ANKRD55: variants seen among roughly 807,000 people sequenced by gnomAD.
The protein encoded by ANKRD55 is ankyrin repeat domain-containing protein 55.
In ANKRD55, 41 loss-of-function variants were observed where a neutral mutation model predicts 60.6. That is an observed-to-expected ratio of 0.68 (90% CI 0.53 to 0.88). The LOEUF (loss-of-function observed/expected upper bound fraction) is 0.88. Ranked by LOEUF, ANKRD55 falls within the 40% of genes least tolerant of loss-of-function variation. The pLI, the probability that ANKRD55 is intolerant of heterozygous loss-of-function variation, is 0.00. For synonymous variants in ANKRD55, 264 were observed against 290.3 expected, an observed-to-expected ratio of 0.91 and a Z score of 0.92; for missense variants, 732 against 767.6, an observed-to-expected ratio of 0.95 and a Z score of 0.55.
chr5:56,162,152 G>T, intron 5 of ANKRD55: 2 of 421,504 alleles, frequency 4.7e-6, no homozygotes, highest in Non-Finnish European at 6.4e-6. Flanking sequence ...CTCCTGAGCA[G>T]ACAGAGATTA....
At chr5:56,189,250 G>A (rs1010715983) in intron 2 of ANKRD55, among the ~76,000 whole-genome samples, 7 of 149,798 alleles carry the variant, frequency 4.7e-5, no homozygotes, top group African/African-American at 1.7e-4. Flanking sequence ...GGCGGAGCTT[G>A]CAGTGAGCCA....
chr5:56,163,519 T>C (rs775333469), intron 5 of ANKRD55, among the ~76,000 whole-genome samples: 5 of 152,030 alleles, frequency 3.3e-5, no homozygotes, highest in Admixed American at 6.6e-5. Flanking sequence ...GTAAGACCCA[T>C]CTCATCTCAG....
chr5:56,176,238 T>C lies in ANKRD55; in HGVS notation c.226A>G (p.Thr76Ala). The change falls in exon 4 of 12, where the codon ACA (threonine) becomes GCA (alanine). Residue 76 changes from threonine (T) to alanine (A), a missense_variant. By Grantham distance (58) the Thr-to-Ala change is moderately conservative. This residue lies in a region of ANKRD55 where 131 missense variants were observed against 142.7 expected (regional missense o/e 0.92). Transcript: ENST00000341048. ...CCCATCTTCAACAGCAGCTTCACTG[T>C]GTCCGCTTGACGTCCAGAAACCGCA... is the stretch of plus-strand genomic sequence containing the variant. ...MHAVSGRQAD[T>A]VKLLLKMGAN... is the part of the protein sequence containing the mutation. The C allele has an allele frequency of 1.2e-6, 2 of 1,614,244 alleles. No individual in the cohort carries two copies. Among genetic ancestry groups the C allele is most frequent in the East Asian group, 4.5e-5 (2 of 44,890 alleles).
chr5:56,157,571 G>T (rs994180546), intron 6 of ANKRD55, among the ~76,000 whole-genome samples: 10 of 152,192 alleles, frequency 6.6e-5, no homozygotes, highest in African/African-American at 2.4e-4. Flanking sequence ...GGAGAAAACC[G>T]CCTTAGGGCT....
chr5:56,231,649 GCGCGCACACACACACA>G (rs1760255789), intron 2 of ANKRD55, among the ~76,000 whole-genome samples: 1 of 127,766 alleles, frequency 7.8e-6, no homozygotes, highest in African/African-American at 2.9e-5. Context: ...CGTTCTGAAG[GCGCGCACACACACACA>G]CACACACACA....
intron 2 of ANKRD55, among the ~76,000 whole-genome samples, chr5:56,228,952 G>A (rs796074786): frequency 3.9e-5 from 6 of 152,290 alleles, no homozygotes; most frequent in African/African-American, 1.4e-4. Flanking sequence ...ACAGGTGTGT[G>A]CAAACACACC....
intron 6 of ANKRD55, among the ~76,000 whole-genome samples, chr5:56,153,907 C>T (rs1414194609): frequency 2.0e-5 from 3 of 150,814 alleles, no homozygotes; most frequent in Non-Finnish European, 4.4e-5. Flanking sequence ...AAGACAAATG[C>T]TTGAGTTGAA....
intron 2 of ANKRD55, among the ~76,000 whole-genome samples, chr5:56,215,206 T>C (rs577445023): frequency 6.6e-6 from 1 of 152,244 alleles, no homozygotes; most frequent in Admixed American, 6.5e-5. Context: ...AGTAGGTAAA[T>C]AACAACCCAT....
chr5:56,123,133 C>G (rs1757127397), intron 8 of ANKRD55, among the ~76,000 whole-genome samples: 1 of 151,802 alleles, frequency 6.6e-6, no homozygotes, highest in South Asian at 2.1e-4. Context: ...ATGGGCAGTC[C>G]TGGGGCAGGA....
chr5:56,167,813 C>T (rs1035817341), intron 5 of ANKRD55, among the ~76,000 whole-genome samples: 2 of 152,014 alleles, frequency 1.3e-5, no homozygotes, highest in Non-Finnish European at 2.9e-5. Flanking sequence ...CCTCAAGAGT[C>T]GAGGAGTACT....
intron 2 of ANKRD55, among the ~76,000 whole-genome samples, chr5:56,187,986 G>C (rs988587977): frequency 4.6e-5 from 7 of 152,124 alleles, no homozygotes; most frequent in African/African-American, 1.4e-4. Context: ...TGTAGTTTTT[G>C]CACTCAACTT....
chr5:56,172,016 G>A (rs189650090), intron 4 of ANKRD55, among the ~76,000 whole-genome samples: 245 of 152,112 alleles, frequency 1.6e-3, no homozygotes, highest in Middle Eastern at 6.8e-3. Flanking sequence ...CTACTCGGGA[G>A]GCTGAGGCAG....
intron 3 of ANKRD55, among the ~76,000 whole-genome samples, chr5:56,181,884 C>T (rs1452516568): frequency 2.0e-5 from 3 of 152,242 alleles, no homozygotes; most frequent in African/African-American, 7.2e-5. Context: ...CGTGAGCCAC[C>T]GTGTCCGGCC....
At chr5:56,215,262 A>C (rs1759775840) in intron 2 of ANKRD55, among the ~76,000 whole-genome samples, 1 of 152,172 alleles carries the variant, frequency 6.6e-6, no homozygotes, top group East Asian at 1.9e-4. Context: ...CCTTGGCAAT[A>C]TCTAGTTCGC....
rs181293068 is a variant in ANKRD55 at position 56,183,824 on chromosome 5, G to A, written c.59-190C>T. Among the ~76,000 whole-genome samples the A allele has an allele frequency of 3.3e-5, 5 of 152,294 alleles. No homozygotes were observed. In the East Asian group the frequency reaches 9.7e-4, roughly 29 times the overall value. ...GAAAGGTGGATCACTCATGCCATTTGTAACACCGCCGTGTATTGGAAAGGA... is the reference window on the plus strand; with the variant it reads ...GAAAGGTGGATCACTCATGCCATTTATAACACCGCCGTGTATTGGAAAGGA... On this transcript the variant is annotated intron_variant, in intron 2 of 11. Coordinates refer to ENST00000341048, the MANE Select transcript of ANKRD55 (RefSeq NM_024669.3).
chr5:56,226,010 G>A (rs160002), intron 2 of ANKRD55, among the ~76,000 whole-genome samples: 1,530 of 152,072 alleles, frequency 0.01, 17 homozygotes, highest in African/African-American at 0.033. Flanking sequence ...CCAAAAAAGA[G>A]CCCACATTGC....
rs1759300209 is a variant in ANKRD55, at chr5:56,199,106, C to CCA, written c.59-15473_59-15472insTG. On this transcript the variant is annotated intron_variant, in intron 2 of 11. Coordinates refer to ENST00000341048, the MANE Select transcript of ANKRD55 (RefSeq NM_024669.3). ...AAACAAACAAACAAACAAACAAACC[C>CCA]AAAAAAACCCAAACACGTGTTTATA... 5.6e-5 allele frequency among the ~76,000 whole-genome samples: 6 copies of CCA among 107,962 alleles called. No homozygotes were observed. The South Asian group carries it at 1.8e-3, about 32-fold the overall frequency. The allele number at this position is 107,962 out of a possible 152,430, so 70.8% of individuals were successfully genotyped here.
intron 7 of ANKRD55, among the ~76,000 whole-genome samples, chr5:56,131,195 C>T (rs974393459): frequency 6.6e-6 from 1 of 151,866 alleles, no homozygotes; most frequent in African/African-American, 2.4e-5. Flanking sequence ...AACCCTATGC[C>T]TAGGCATATT....
At chr5:56,182,738 G>A (rs1213666239) in intron 3 of ANKRD55, among the ~76,000 whole-genome samples, 1 of 152,164 alleles carries the variant, frequency 6.6e-6, no homozygotes, top group Non-Finnish European at 1.5e-5. Context: ...GCTGTAAAGG[G>A]GAAGTAAAGG....
Sources: gnomAD v4.1 joint callset for allele counts (sites outside exome capture counted in the v4.1 genomes callset) on GRCh38, gnomAD v4.1.1 for gene constraint, gnomAD v4.1.1 regional missense constraint, MANE v1.5 for transcripts, NCBI Gene and HGNC (gene_info 2026-07-23, HGNC 2026-07-21) for gene names.